Variants in C10orf90 observed in about 807,000 individuals in gnomAD.
The protein encoded by C10orf90 is (E2-independent) E3 ubiquitin-conjugating enzyme FATS.
C10orf90 carries 56 observed loss-of-function variants against 62.5 expected under a neutral mutation model. The ratio of observed to expected loss-of-function variants is 0.90; its 90% CI spans 0.72 to 1.12. The LOEUF (loss-of-function observed/expected upper bound fraction) is 1.12, where lower values mean the gene tolerates loss of function less well. C10orf90 is among the 50% of genes most tolerant of loss of function. C10orf90 has a pLI of 0.00. For synonymous variants in C10orf90, 386 were observed against 340.4 expected (o/e 1.13, Z -1.47); for missense variants, 970 against 880.4 (o/e 1.10, Z -1.29).
intron 2 of C10orf90, among the ~76,000 whole-genome samples, chr10:126,518,224 G>C (rs79352542): frequency 6.6e-6 from 1 of 152,120 alleles, no homozygotes; most frequent in Non-Finnish European, 1.5e-5. Flanking sequence ...CCACACGATG[G>C]GGGCACTTGT....
At chr10:126,547,469 A>G (rs1252974272) in intron 2 of C10orf90, among the ~76,000 whole-genome samples, 2 of 150,832 alleles carry the variant, frequency 1.3e-5, no homozygotes, top group African/African-American at 2.4e-5. Context: ...GTTCATCACA[A>G]CAAGAACCAG....
At chr10:126,437,586 A>G (rs1858006581) in intron 7 of C10orf90, among the ~76,000 whole-genome samples, 1 of 152,260 alleles carries the variant, frequency 6.6e-6, no homozygotes, top group Non-Finnish European at 1.5e-5. Context: ...AAGACTACTC[A>G]GTTAAATTTG....
chr10:126,562,339 C>A (rs546761448), intron 2 of C10orf90, among the ~76,000 whole-genome samples: 1 of 152,202 alleles, frequency 6.6e-6, no homozygotes, highest in African/African-American at 2.4e-5. Flanking sequence ...CTGGGCCTCT[C>A]CCTAGAGTGG....
At position 126,451,520 on chromosome 10, in the gene C10orf90, T is replaced by G. The variant is rs539154890; in HGVS notation, c.2188+7520A>C. 5.4e-4 allele frequency among the ~76,000 whole-genome samples: 82 copies of G among 152,218 alleles called. 3 individuals are homozygous for G. In the South Asian group the frequency reaches 0.017, roughly 32 times the overall value. ...GTGTATTATTGTCCTTCACAGACAC[T>G]GTGAGGTGTTGTGTTTTTATAAGAT... On this transcript the variant is annotated intron_variant, in intron 7 of 9. Transcript: ENST00000488181.
intron 7 of C10orf90, among the ~76,000 whole-genome samples, chr10:126,447,850 TTGC>T (rs61120997): frequency 0.83 from 125,167 of 151,234 alleles, 52,139 homozygotes; most frequent in East Asian, 0.99. Flanking sequence ...GTTGTTGTTG[TTGC>T]TGCTTTTGTT....
chr10:126,518,068 T>C (rs1164599316), intron 2 of C10orf90, among the ~76,000 whole-genome samples: 1 of 152,052 alleles, frequency 6.6e-6, no homozygotes, highest in Non-Finnish European at 1.5e-5. Flanking sequence ...ATGTTTTTTT[T>C]TTTCCTGAAG....
chr10:126,504,209 C>A lies in C10orf90; in HGVS notation c.1282G>T (p.Val428Leu). Reference sequence around the variant, plus strand: ...AAACCTGGGTTCCAGCGCTGGCCTACGAGGTCCTGGTCTCCCTCCAGGAGC... The same window carrying A: ...AAACCTGGGTTCCAGCGCTGGCCTAAGAGGTCCTGGTCTCCCTCCAGGAGC... ...QELLEGDQDLVGQRWNPGLQE... is the reference protein window; with the variant it reads ...QELLEGDQDLLGQRWNPGLQE... Residue 428 changes from valine (V) to leucine (L), a missense_variant, in exon 4 of 10, where the codon GTA (valine) becomes TTA (leucine). By Grantham distance (32) the Val-to-Leu change is conservative (BLOSUM62 1). Coordinates refer to ENST00000488181, the MANE Select transcript of C10orf90 (RefSeq NM_001350921.2). The surrounding 1 kb of genome is among the most constrained non-coding windows in gnomAD (Gnocchi z 4.1). 2 of 1,614,176 alleles carry A rather than the reference C, an allele frequency of 1.2e-6. No individual in the cohort carries two copies. Among genetic ancestry groups the A allele is most frequent in the Non-Finnish European group, 1.7e-6 (2 of 1,180,038 alleles).
intron 1 of C10orf90, among the ~76,000 whole-genome samples, chr10:126,656,611 G>A (rs1409044948): frequency 6.6e-6 from 1 of 152,198 alleles, no homozygotes; most frequent in East Asian, 1.9e-4. Context: ...CATACTTCAG[G>A]ATTTCAGCTA....
At chr10:126,442,694 A>G (rs1358880163) in intron 7 of C10orf90, among the ~76,000 whole-genome samples, 3 of 133,112 alleles carry the variant, frequency 2.3e-5, no homozygotes, top group Non-Finnish European at 4.7e-5. Flanking sequence ...TTCATCCAAC[A>G]ACCACAGAAT....
At chr10:126,570,766 G>A (rs549732033) in intron 2 of C10orf90, among the ~76,000 whole-genome samples, 2 of 152,066 alleles carry the variant, frequency 1.3e-5, no homozygotes, top group East Asian at 3.9e-4. Context: ...ATTCTTTGGG[G>A]AGGTTCCTAA....
Position 126,461,590 on chromosome 10 carries a change from G to A in C10orf90, c.1826-5C>T, listed in dbSNP as rs745486448. On this transcript the variant is annotated splice_region_variant and splice_polypyrimidine_tract_variant and intron_variant, in intron 5 of 9. Transcript: ENST00000488181. ...AGTCACAGCATGTGTAATCTCCTAG[G>A]AGAGAAGATTTAGAATCCCATTTAG... 8.7e-6 allele frequency: 14 copies of A among 1,610,816 alleles called. No individual in the cohort carries two copies. In the Admixed American group the frequency reaches 2.4e-4, roughly 27 times the overall value.
intron 2 of C10orf90, among the ~76,000 whole-genome samples, chr10:126,607,043 GC>G (rs1425136265): frequency 6.6e-6 from 1 of 152,176 alleles, no homozygotes; most frequent in Non-Finnish European, 1.5e-5. Context: ...GTTGTGATTT[GC>G]CTTTGCCATG....
chr10:126,475,670 G>A (rs904670314), intron 4 of C10orf90, among the ~76,000 whole-genome samples: 3 of 152,170 alleles, frequency 2.0e-5, no homozygotes, highest in Non-Finnish European at 4.4e-5. Context: ...ATCATTAGGT[G>A]CTGGAAGAAG....
chr10:126,558,634 C>G (rs1156398585), intron 2 of C10orf90, among the ~76,000 whole-genome samples: 1 of 152,250 alleles, frequency 6.6e-6, no homozygotes, highest in Non-Finnish European at 1.5e-5. Flanking sequence ...CTCCACCCAT[C>G]TGAGTGGGGC....
chr10:126,659,703 T>C (rs932320894), intron 1 of C10orf90, among the ~76,000 whole-genome samples: 1 of 152,240 alleles, frequency 6.6e-6, no homozygotes, highest in Non-Finnish European at 1.5e-5. Context: ...ACCTTCATTT[T>C]TAGCTTCATT....
At chr10:126,534,349 C>G (rs10901628) in intron 2 of C10orf90, among the ~76,000 whole-genome samples, 135,114 of 152,232 alleles carry the variant, frequency 0.89, 60,187 homozygotes, top group African/African-American at 0.96. Context: ...AGAATTTCTG[C>G]TCATCTCTTC....
chr10:126,491,493 G>C (rs1435258937), intron 4 of C10orf90, among the ~76,000 whole-genome samples: 1 of 152,090 alleles, frequency 6.6e-6, no homozygotes, highest in Non-Finnish European at 1.5e-5. Context: ...ACAGAACCGG[G>C]TCTTTTTTAA....
chr10:126,477,801 C>T (rs1333326980), intron 4 of C10orf90, among the ~76,000 whole-genome samples: 4 of 152,174 alleles, frequency 2.6e-5, no homozygotes, highest in Non-Finnish European at 1.5e-5. Context: ...TACATACAAT[C>T]TCTGCATCTG....
intron 1 of C10orf90, among the ~76,000 whole-genome samples, chr10:126,666,774 C>T (rs1846636179): frequency 1.3e-5 from 2 of 151,774 alleles, no homozygotes; most frequent in Non-Finnish European, 2.9e-5. Context: ...GTCAGGAGTT[C>T]GAGACCAGCC....
Sources: allele counts gnomAD v4.1 joint callset (sites outside exome capture counted in the v4.1 genomes callset), GRCh38; gene constraint gnomAD v4.1.1; non-coding constraint Gnocchi (gnomAD v3.1); transcripts MANE v1.5; gene names NCBI Gene and HGNC (gene_info 2026-07-23, HGNC 2026-07-21).